The following LUZP2 variants were observed in gnomAD, a reference collection of about 807,000 sequenced individuals.
The protein encoded by LUZP2 is leucine zipper protein 2.
LUZP2 carries 52 observed loss-of-function variants against 51.6 expected under a neutral mutation model. The observed-to-expected ratio is 1.01, with a 90% CI of 0.81 to 1.27. The LOEUF is 1.27. Among genes scored for constraint, LUZP2 ranks in the 50% most tolerant of loss-of-function variants. The pLI, the probability that LUZP2 is intolerant of heterozygous loss-of-function variation, is 0.00. For synonymous variants in LUZP2, 154 were observed against 137.3 expected (o/e 1.12, Z -0.85); for missense variants, 436 against 395.4 (o/e 1.10, Z -0.87).
intron 7 of LUZP2, among the ~76,000 whole-genome samples, chr11:24,920,345 G>T (rs1057381563): frequency 2.0e-5 from 3 of 151,898 alleles, no homozygotes; most frequent in Non-Finnish European, 4.4e-5. Flanking sequence ...ATACTATAGT[G>T]ATACATTTTT....
Position 25,078,797 on chromosome 11 carries a change from AT to A in LUZP2, c.*143del. On this transcript the variant is annotated 3_prime_UTR_variant, in exon 12 of 12. Coordinates refer to ENST00000336930, the MANE Select transcript of LUZP2 (RefSeq NM_001009909.4). ...TGTAACTTTATAAAGTAGCCTACAC[AT>A]TTTCAAAGATTCCAGACCAATTATG... 1.5e-6 allele frequency: 1 copy of A among 647,242 alleles called. No individual in the cohort carries two copies. The highest frequency in any genetic ancestry group is 2.6e-6 in the Non-Finnish European group (1 of 384,192). The allele number at this position is 647,242 out of a possible 1,614,324, so 40.1% of individuals were successfully genotyped here.
chr11:24,665,189 A>T (rs1350140040), intron 1 of LUZP2, among the ~76,000 whole-genome samples: 1 of 152,166 alleles, frequency 6.6e-6, no homozygotes, highest in Non-Finnish European at 1.5e-5. Context: ...TTGGAACTTT[A>T]AGATTTAATG....
chr11:25,040,211 T>G (rs1858005218), intron 9 of LUZP2, among the ~76,000 whole-genome samples: 1 of 152,126 alleles, frequency 6.6e-6, no homozygotes, highest in African/African-American at 2.4e-5. Context: ...GCCCATTAAA[T>G]GTGTGTTTTA....
chr11:24,739,528 A>G (rs1036962356), intron 4 of LUZP2, among the ~76,000 whole-genome samples: 1 of 152,090 alleles, frequency 6.6e-6, no homozygotes, highest in African/African-American at 2.4e-5. Flanking sequence ...GTTCAGAGCA[A>G]GGCTGATCCA....
At chr11:24,908,700 A>G (rs1853534350) in intron 6 of LUZP2, among the ~76,000 whole-genome samples, 1 of 151,912 alleles carries the variant, frequency 6.6e-6, no homozygotes, top group African/African-American at 2.4e-5. Flanking sequence ...TATTCTTTGC[A>G]TAATCTTTCC....
Position 24,664,849 on chromosome 11 carries a change from G to T in LUZP2, c.63-64320G>T, listed in dbSNP as rs1411939757. ...CTGGATGTCCAGGCAGGAGTTTGCT[G>T]CAGGGGCAGAGCCCTCAAGGAGAAC... On this transcript the variant is annotated intron_variant, in intron 1 of 11. Transcript: ENST00000336930. 3.9e-5 allele frequency among the ~76,000 whole-genome samples: 6 copies of T among 152,198 alleles called. No individual in the cohort carries two copies. The East Asian group carries it at 5.8e-4, about 15-fold the overall frequency.
At chr11:24,823,952 A>G (rs1371145153) in intron 5 of LUZP2, among the ~76,000 whole-genome samples, 1 of 152,016 alleles carries the variant, frequency 6.6e-6, no homozygotes, top group African/African-American at 2.4e-5. Context: ...AGTCCCAGCT[A>G]TTAGGGAGGC....
At chr11:25,076,944 A>G (rs1205343163) in intron 10 of LUZP2, among the ~76,000 whole-genome samples, 1 of 152,130 alleles carries the variant, frequency 6.6e-6, no homozygotes, top group Admixed American at 6.5e-5. Context: ...CCTAGCTTGC[A>G]ATATTGATGT....
intron 1 of LUZP2, among the ~76,000 whole-genome samples, chr11:24,707,843 G>A (rs1857651350): frequency 6.6e-6 from 1 of 152,282 alleles, no homozygotes; most frequent in African/African-American, 2.4e-5. Flanking sequence ...GTACTTCTAT[G>A]TAGAAGGGTG....
At chr11:24,625,024 C>T (rs1213391630) in intron 1 of LUZP2, among the ~76,000 whole-genome samples, 1 of 151,994 alleles carries the variant, frequency 6.6e-6, no homozygotes, top group Admixed American at 6.6e-5. Context: ...TCCTGTCATT[C>T]CCAAATGCCA....
chr11:24,628,103 A>G (rs550380279), intron 1 of LUZP2, among the ~76,000 whole-genome samples: 2 of 152,192 alleles, frequency 1.3e-5, no homozygotes, highest in South Asian at 4.1e-4. Context: ...GCAGGGTTGC[A>G]TGGCACACTG....
chr11:24,869,993 A>C (rs569655728), intron 5 of LUZP2, among the ~76,000 whole-genome samples: 6 of 152,278 alleles, frequency 3.9e-5, no homozygotes, highest in Non-Finnish European at 8.8e-5. Context: ...AAGTGCTACT[A>C]CAGCATGAAT....
intron 3 of LUZP2, among the ~76,000 whole-genome samples, chr11:24,735,078 T>G (rs986457598): frequency 1.3e-5 from 2 of 151,974 alleles, no homozygotes; most frequent in Non-Finnish European, 2.9e-5. Flanking sequence ...AGTCTTTCTG[T>G]GTAGCTGGAG....
chr11:25,057,707 T>A (rs1565292408), intron 10 of LUZP2, among the ~76,000 whole-genome samples: 2 of 152,216 alleles, frequency 1.3e-5, no homozygotes, highest in Non-Finnish European at 2.9e-5. Context: ...TTTCTTACTG[T>A]GCTGAGGAAA....
chr11:24,622,233 C>T (rs1421909861), intron 1 of LUZP2, among the ~76,000 whole-genome samples: 2 of 140,930 alleles, frequency 1.4e-5, no homozygotes, highest in Non-Finnish European at 3.2e-5. Context: ...CACCCATTAA[C>T]TCGTCATTTA....
At chr11:24,971,246 C>CAA (rs1156910290) in intron 7 of LUZP2, among the ~76,000 whole-genome samples, 1 of 152,082 alleles carries the variant, frequency 6.6e-6, no homozygotes, top group Non-Finnish European at 1.5e-5. Context: ...CATGATTATT[C>CAA]AAGTGCATTA....
chr11:24,693,635 T>G (rs1288748231), intron 1 of LUZP2, among the ~76,000 whole-genome samples: 1 of 152,014 alleles, frequency 6.6e-6, no homozygotes, highest in Admixed American at 6.6e-5. Context: ...ACTTCATTTA[T>G]TAATCCTTTG....
chr11:24,515,013 C>T (rs1206543649), intron 1 of LUZP2, among the ~76,000 whole-genome samples: 1 of 152,102 alleles, frequency 6.6e-6, no homozygotes, highest in African/African-American at 2.4e-5. Flanking sequence ...GTCATTGAAA[C>T]CTCTGCTGAT....
chr11:24,960,111 T>C (rs554637710), intron 7 of LUZP2, among the ~76,000 whole-genome samples: 4 of 152,294 alleles, frequency 2.6e-5, no homozygotes, highest in African/African-American at 9.6e-5. Flanking sequence ...CACTTGATCA[T>C]GGTGGATAAG....
Sources: gnomAD v4.1 joint callset for allele counts (sites outside exome capture counted in the v4.1 genomes callset) on GRCh38, gnomAD v4.1.1 for gene constraint, MANE v1.5 for transcripts, NCBI Gene and HGNC (gene_info 2026-07-23, HGNC 2026-07-21) for gene names.